The following UBASH3B variants were observed in gnomAD, a reference collection of about 807,000 sequenced individuals.
The protein encoded by UBASH3B is ubiquitin associated and SH3 domain containing B, also known as ubiquitin-associated and SH3 domain-containing protein B.
UBASH3B carries 37 observed loss-of-function variants against 83.4 expected under a neutral mutation model. The observed-to-expected ratio is 0.44, with a 90% CI of 0.34 to 0.58. The LOEUF is 0.58. Among genes scored for constraint, UBASH3B ranks in the 20% least tolerant of loss-of-function variants. The pLI is 0.01. For missense variants in UBASH3B, 657 were observed against 827.2 expected, an observed-to-expected ratio of 0.79 and a Z score of 2.52; for synonymous variants, 304 against 318.3, an observed-to-expected ratio of 0.96 and a Z score of 0.48.
chr11:122,739,447 T>C (rs1438646782), intron 1 of UBASH3B, among the ~76,000 whole-genome samples: 13 of 152,234 alleles, frequency 8.5e-5, no homozygotes. Flanking sequence ...GATTTCTCTC[T>C]GAGGTTCTTT....
Position 122,808,055 on chromosome 11 carries a change from A to G in UBASH3B, c.1703-12A>G, listed in dbSNP as rs1171851174. 7.5e-6 allele frequency: 12 copies of G among 1,610,554 alleles called. No individual in the cohort carries two copies. Among genetic ancestry groups the G allele is most frequent in the South Asian group, 1.1e-5 (1 of 91,022 alleles). The stretch of plus-strand genomic sequence containing the variant: ...AGAAACAGTCTTCCCATACCTTGCC[A>G]TTTTCCCCCAGGAAATAACATCCTG... On this transcript the variant is annotated splice_polypyrimidine_tract_variant and intron_variant, in intron 12 of 13. Transcript: ENST00000284273.
chr11:122,666,957 A>G (rs2135895907), intron 1 of UBASH3B, among the ~76,000 whole-genome samples: 1 of 151,984 alleles, frequency 6.6e-6, no homozygotes, highest in South Asian at 2.1e-4. Flanking sequence ...GATTACCCCA[A>G]ATCACCTATG....
intron 1 of UBASH3B, among the ~76,000 whole-genome samples, chr11:122,723,894 C>T (rs1320642936): frequency 6.6e-6 from 1 of 152,186 alleles, no homozygotes; most frequent in Non-Finnish European, 1.5e-5. Flanking sequence ...CTGGGTGAGG[C>T]TATGTCAGTG....
intron 1 of UBASH3B, among the ~76,000 whole-genome samples, chr11:122,748,950 G>T (rs1861161622): frequency 6.6e-6 from 1 of 152,124 alleles, no homozygotes; most frequent in South Asian, 2.1e-4. Context: ...CATCACCTCT[G>T]CCAGAACCCT....
intron 1 of UBASH3B, among the ~76,000 whole-genome samples, chr11:122,657,509 G>C (rs188082126): frequency 2.0e-4 from 31 of 152,100 alleles, no homozygotes; most frequent in Non-Finnish European, 3.5e-4. Flanking sequence ...GGCTGGTCTC[G>C]AACTCCTGAC....
Position 122,809,871 on chromosome 11 carries a change from C to A in UBASH3B, c.1935C>A (p.Thr645=). Residue 645 remains threonine, a synonymous_variant, in exon 14 of 14, where the codon ACC becomes ACA. Transcript: ENST00000284273. ...GPTGGFNWRE[T]LLQE Reference sequence around the variant, plus strand: ...CTGGGGGCTTCAACTGGAGAGAGACCTTGCTTCAAGAATAAACCACACCAG... The same window carrying A: ...CTGGGGGCTTCAACTGGAGAGAGACATTGCTTCAAGAATAAACCACACCAG... The A allele has an allele frequency of 6.2e-7, 1 of 1,614,062 alleles. No individual in the cohort carries two copies. Among genetic ancestry groups the A allele is most frequent in the Non-Finnish European group, 8.5e-7 (1 of 1,179,996 alleles).
At chr11:122,730,839 C>G (rs963036294) in intron 1 of UBASH3B, among the ~76,000 whole-genome samples, 3 of 152,180 alleles carry the variant, frequency 2.0e-5, no homozygotes, top group African/African-American at 7.2e-5. Context: ...AGGTGATCCG[C>G]CCGCCTCGGC....
intron 1 of UBASH3B, among the ~76,000 whole-genome samples, chr11:122,671,678 TGC>T (rs1334031319): frequency 6.6e-6 from 1 of 152,198 alleles, no homozygotes; most frequent in Non-Finnish European, 1.5e-5. Flanking sequence ...GGCCTGTGGC[TGC>T]CAGCCTTACA....
At chr11:122,674,347 A>G (rs1421716296) in intron 1 of UBASH3B, among the ~76,000 whole-genome samples, 4 of 151,442 alleles carry the variant, frequency 2.6e-5, no homozygotes, top group Non-Finnish European at 5.9e-5. Context: ...TGTGCCAATC[A>G]TAAGCCATGG....
chr11:122,746,360 G>A (rs948524997), intron 1 of UBASH3B, among the ~76,000 whole-genome samples: 7 of 152,150 alleles, frequency 4.6e-5, no homozygotes, highest in East Asian at 1.9e-4. Context: ...ATGAGTGGGC[G>A]GACAAGTGGA....
At chr11:122,723,652 G>A (rs1018231167) in intron 1 of UBASH3B, among the ~76,000 whole-genome samples, 3 of 152,226 alleles carry the variant, frequency 2.0e-5, no homozygotes, top group African/African-American at 7.2e-5. Flanking sequence ...GCAGGCCCAA[G>A]GGATGTTTCA....
intron 1 of UBASH3B, among the ~76,000 whole-genome samples, chr11:122,714,353 TA>T (rs1269532828): frequency 6.6e-6 from 1 of 152,236 alleles, no homozygotes; most frequent in Non-Finnish European, 1.5e-5. Flanking sequence ...CAATTCTCTC[TA>T]AATCGGCCTT....
intron 1 of UBASH3B, among the ~76,000 whole-genome samples, chr11:122,721,698 G>A (rs1185381834): frequency 2.0e-5 from 3 of 152,192 alleles, no homozygotes; most frequent in Non-Finnish European, 2.9e-5. Context: ...TTACTTAGTG[G>A]TTTCCAAAAG....
intron 1 of UBASH3B, among the ~76,000 whole-genome samples, chr11:122,713,701 A>G (rs903477097): frequency 1.3e-5 from 2 of 150,986 alleles, no homozygotes; most frequent in African/African-American, 4.9e-5. Context: ...ATCTGGCCAC[A>G]TGTCAGTCAT....
intron 1 of UBASH3B, among the ~76,000 whole-genome samples, chr11:122,722,328 C>T (rs953994120): frequency 6.6e-6 from 1 of 152,246 alleles, no homozygotes; most frequent in Non-Finnish European, 1.5e-5. Context: ...CTCTCCTGCA[C>T]TCCAGGAACC....
chr11:122,711,701 T>C (rs1297917220), intron 1 of UBASH3B, among the ~76,000 whole-genome samples: 1 of 152,232 alleles, frequency 6.6e-6, no homozygotes, highest in Non-Finnish European at 1.5e-5. Flanking sequence ...AGAACCAATT[T>C]CCTTTACTGG....
chr11:122,694,474 C>T (rs775762255), intron 1 of UBASH3B, among the ~76,000 whole-genome samples: 14 of 151,954 alleles, frequency 9.2e-5, no homozygotes, highest in Non-Finnish European at 1.8e-4. Flanking sequence ...GTGGGAGGAT[C>T]GCTTGAGCCT....
intron 1 of UBASH3B, among the ~76,000 whole-genome samples, chr11:122,690,214 T>TATATATATATATATAAATATA (rs1863873410): frequency 1.9e-5 from 1 of 52,684 alleles, no homozygotes; most frequent in Non-Finnish European, 3.3e-5. Context: ...ATATATCCAA[T>TATATATATATATATAAATATA]TATATATATA....
intron 1 of UBASH3B, among the ~76,000 whole-genome samples, chr11:122,729,795 C>CAAAAA (rs71054092): frequency 0.021 from 850 of 40,878 alleles, 66 homozygotes; most frequent in African/African-American, 0.074. Context: ...CCTATCTCTA[C>CAAAAA]AAAAAAAAAA....
Sources: allele counts gnomAD v4.1 joint callset (sites outside exome capture counted in the v4.1 genomes callset), GRCh38; gene constraint gnomAD v4.1.1; transcripts MANE v1.5; gene names NCBI Gene and HGNC (gene_info 2026-07-23, HGNC 2026-07-21).